RBFOX1: variants seen among roughly 807,000 people sequenced by gnomAD.
RBFOX1 encodes RNA binding fox-1 homolog 1.
RBFOX1 carries 8 observed loss-of-function variants against 57.7 expected under a neutral mutation model. That is an observed-to-expected ratio of 0.14 (90% CI 0.08 to 0.25). RBFOX1 has a LOEUF of 0.25. Among genes scored for constraint, RBFOX1 ranks in the 10% least tolerant of loss-of-function variants. The pLI is 1.00. For missense variants in RBFOX1, 611 were observed against 548.5 expected (o/e 1.11, Z -1.14); for synonymous variants, 326 against 222.4 (o/e 1.47, Z -4.15).
chr16:6,371,152 C>T (rs1484020523), intron 2 of RBFOX1, among the ~76,000 whole-genome samples: 1 of 152,164 alleles, frequency 6.6e-6, no homozygotes, highest in African/African-American at 2.4e-5. Flanking sequence ...CCAGTAAAAA[C>T]TTTCTCACTG....
intron 3 of RBFOX1, among the ~76,000 whole-genome samples, chr16:6,864,747 A>T (rs745620121): frequency 1.3e-4 from 20 of 152,058 alleles, no homozygotes; most frequent in Non-Finnish European, 2.4e-4. Context: ...TGCTCTGTTC[A>T]ACCTGTATTT....
chr16:7,449,360 A>G (rs1274577763), intron 4 of RBFOX1, among the ~76,000 whole-genome samples: 1 of 152,174 alleles, frequency 6.6e-6, no homozygotes, highest in African/African-American at 2.4e-5. Context: ...GCCAAGTGAA[A>G]GTAGTCAGTG....
chr16:5,556,346 C>T (rs1390543880), intron 2 of RBFOX1, among the ~76,000 whole-genome samples: 1 of 152,166 alleles, frequency 6.6e-6, no homozygotes, highest in Non-Finnish European at 1.5e-5. Context: ...TGCCTACCCT[C>T]CCCGGCAGCT....
Position 5,823,417 on chromosome 16 carries a change from G to A in RBFOX1, c.319-43886G>A, listed in dbSNP as rs573028692. ...CCAAATGCAACATAGCATGTGAAGT[G>A]TTCTATTGAGGGAATAGTCGATATT... On this transcript the variant is annotated intron_variant, in intron 3 of 19. Coordinates refer to the RBFOX1 transcript ENST00000641259. Among the ~76,000 whole-genome samples, 318 of 152,276 alleles carry A rather than the reference G, an allele frequency of 2.1e-3. 1 individual carries two copies. The highest frequency in any genetic ancestry group is 0.011 in the Admixed American group (172 of 15,298).
At chr16:6,970,478 C>G (rs1286392953) in intron 3 of RBFOX1, among the ~76,000 whole-genome samples, 1 of 152,084 alleles carries the variant, frequency 6.6e-6, no homozygotes, top group African/African-American at 2.4e-5. Flanking sequence ...GTACATTGCT[C>G]ACAGTTCTGG....
At chr16:6,070,703 G>A (rs1330025059) in intron 1 of RBFOX1, among the ~76,000 whole-genome samples, 6 of 151,858 alleles carry the variant, frequency 4.0e-5, no homozygotes, top group Non-Finnish European at 8.8e-5. Context: ...CTCATATGCT[G>A]TATAACACAA....
At chr16:6,980,004 C>T (rs543132085) in intron 3 of RBFOX1, among the ~76,000 whole-genome samples, 1 of 152,168 alleles carries the variant, frequency 6.6e-6, no homozygotes, top group African/African-American at 2.4e-5. Context: ...TTCTCCTTCC[C>T]AGCCTTAATG....
At chr16:6,286,954 G>T (rs1320840897) in intron 1 of RBFOX1, among the ~76,000 whole-genome samples, 1 of 152,114 alleles carries the variant, frequency 6.6e-6, no homozygotes, top group Non-Finnish European at 1.5e-5. Flanking sequence ...TTGACTTGAA[G>T]GATATATTTA....
chr16:6,591,581 G>A (rs1330129897), intron 2 of RBFOX1, among the ~76,000 whole-genome samples: 2 of 152,172 alleles, frequency 1.3e-5, no homozygotes, highest in Non-Finnish European at 2.9e-5. Context: ...TTATGCACTG[G>A]GAGTGACCCA....
chr16:7,455,658 G>A (rs781600371), intron 4 of RBFOX1, among the ~76,000 whole-genome samples: 4 of 151,412 alleles, frequency 2.6e-5, no homozygotes, highest in Admixed American at 6.6e-5. Context: ...TTAGCCAGGC[G>A]TGGTTGTAGT....
intron 3 of RBFOX1, among the ~76,000 whole-genome samples, chr16:5,660,529 A>G (rs1016438579): frequency 9.2e-5 from 14 of 152,142 alleles, no homozygotes; most frequent in African/African-American, 3.1e-4. Flanking sequence ...AGGTTTATTA[A>G]ATCACCCAGG....
chr16:6,434,047 C>T (rs1458881092), intron 2 of RBFOX1, among the ~76,000 whole-genome samples: 1 of 151,988 alleles, frequency 6.6e-6, no homozygotes, highest in Non-Finnish European at 1.5e-5. Context: ...GGGGCTTCAC[C>T]ATGTTGGTCA....
chr16:7,640,192 T>A (rs1412642297), intron 11 of RBFOX1, among the ~76,000 whole-genome samples: 2 of 152,224 alleles, frequency 1.3e-5, no homozygotes, highest in Non-Finnish European at 2.9e-5. Flanking sequence ...TTGGCTGTCA[T>A]AATCATAACC....
intron 4 of RBFOX1, among the ~76,000 whole-genome samples, chr16:7,139,176 C>CTGTGTG (rs1388063094): frequency 4.7e-4 from 69 of 145,906 alleles, no homozygotes; most frequent in African/African-American, 1.7e-3. Context: ...CAATCTCTCT[C>CTGTGTG]TGTGTGTGTG....
intron 3 of RBFOX1, among the ~76,000 whole-genome samples, chr16:6,815,543 A>C (rs918444178): frequency 6.6e-6 from 1 of 152,202 alleles, no homozygotes; most frequent in African/African-American, 2.4e-5. Context: ...GCCAGACATT[A>C]TGCCAGTCTC....
chr16:5,971,120 C>T (rs1320242562), intron 4 of RBFOX1, among the ~76,000 whole-genome samples: 1 of 152,220 alleles, frequency 6.6e-6, no homozygotes, highest in Non-Finnish European at 1.5e-5. Flanking sequence ...GTCCAGCTGT[C>T]AACACGTTTA....
At chr16:7,558,226 C>A (rs1175232986) in intron 5 of RBFOX1, among the ~76,000 whole-genome samples, 2 of 151,898 alleles carry the variant, frequency 1.3e-5, no homozygotes, top group Non-Finnish European at 2.9e-5. Context: ...TGTTGGTGCA[C>A]ACCTGTAGTC....
chr16:6,754,483 C>G (rs906032731), intron 3 of RBFOX1, among the ~76,000 whole-genome samples: 13 of 152,178 alleles, frequency 8.5e-5, no homozygotes, highest in Non-Finnish European at 1.5e-4. Flanking sequence ...TTCAGCTCCT[C>G]TTTTTCATGA....
intron 4 of RBFOX1, among the ~76,000 whole-genome samples, chr16:7,383,367 C>G (rs2097818584): frequency 6.6e-6 from 1 of 151,048 alleles, no homozygotes; most frequent in Admixed American, 6.6e-5. Flanking sequence ...GAGGCAAAAA[C>G]AAAAAAAGCA....
Sources: gnomAD v4.1 joint callset for allele counts (sites outside exome capture counted in the v4.1 genomes callset) on GRCh38, gnomAD v4.1.1 for gene constraint, MANE v1.5 for transcripts, NCBI Gene and HGNC (gene_info 2026-07-23, HGNC 2026-07-21) for gene names.